Variants in ALPK3 observed in about 807,000 individuals in gnomAD.
ALPK3 encodes alpha kinase 3.
ALPK3 carries 102 observed loss-of-function variants against 140.0 expected under a neutral mutation model. That is an observed-to-expected ratio of 0.73 (90% CI 0.62 to 0.86). The LOEUF (loss-of-function observed/expected upper bound fraction) is 0.86, where lower values mean the gene tolerates loss of function less well. ALPK3 is among the 40% of genes least tolerant of loss of function. The probability of loss-of-function intolerance (pLI) is 0.00; values close to 1 mark genes in which losing one functional copy is unlikely to be tolerated. For missense variants in ALPK3, 2,254 were observed against 2,208.2 expected (o/e 1.02, Z -0.42); for synonymous variants, 938 against 898.5 (o/e 1.04, Z -0.79).
chr15:84,852,958 G>A (rs1196662829), intron 5 of ALPK3, among the ~76,000 whole-genome samples: 2 of 152,202 alleles, frequency 1.3e-5, no homozygotes, highest in Admixed American at 6.5e-5. Flanking sequence ...AGAATTGTTG[G>A]CAGATCCGAT....
intron 5 of ALPK3, among the ~76,000 whole-genome samples, chr15:84,845,825 G>A (rs1244211113): frequency 9.8e-5 from 15 of 152,322 alleles, no homozygotes; most frequent in African/African-American, 2.9e-4. Context: ...TTGGGAAGCC[G>A]AAGCAGGCAG....
At chr15:84,863,143 ACT>A (rs928304986) in intron 10 of ALPK3, among the ~76,000 whole-genome samples, 10 of 151,612 alleles carry the variant, frequency 6.6e-5, no homozygotes, top group African/African-American at 2.4e-4. Flanking sequence ...TAGTTTTCAA[ACT>A]CTATGTTTGC....
At chr15:84,850,877 T>TAC (rs1190685778) in intron 5 of ALPK3, among the ~76,000 whole-genome samples, 158 of 90,416 alleles carry the variant, frequency 1.7e-3, no homozygotes, top group African/African-American at 3.9e-3. Context: ...CAGTTCCAGA[T>TAC]ATACACACAC....
chr15:84,842,544 C>T (rs1963679065), intron 5 of ALPK3, among the ~76,000 whole-genome samples: 1 of 151,992 alleles, frequency 6.6e-6, no homozygotes, highest in Admixed American at 6.6e-5. Flanking sequence ...ACATGAGGGA[C>T]AAGCTGATAC....
At chr15:84,822,659 C>T (rs924581646) in intron 1 of ALPK3, among the ~76,000 whole-genome samples, 1 of 152,148 alleles carries the variant, frequency 6.6e-6, no homozygotes, top group Non-Finnish European at 1.5e-5. Flanking sequence ...TGTGGGTCCT[C>T]ATCCTAGTGC....
rs377340628 is a variant in ALPK3, at chr15:84,859,871, C to T, written c.4061C>T (p.Ser1354Leu). ...TGCACCATCCACAATGAGCACGGCT[C>T]GGCCTCCACCGACTTCTGCCTCAGC... ...YRCTIHNEHG[S>L]ASTDFCLSPE... The change falls in exon 8 of 14, where the codon TCG becomes TTG. Residue 1354 changes from serine to leucine, a missense_variant. Physicochemically the swap from Ser to Leu is moderately radical, Grantham distance 145. This residue lies in a region of ALPK3 where 2,088 missense variants were observed against 2,022.9 expected (regional missense o/e 1.03). Transcript: ENST00000258888. The T allele has an allele frequency of 2.5e-5, 40 of 1,614,088 alleles. No individual in the cohort carries two copies. The highest frequency in any genetic ancestry group is 4.4e-5 in the South Asian group (4 of 91,082).
At chr15:84,824,599 T>C (rs1263493301) in intron 2 of ALPK3, among the ~76,000 whole-genome samples, 2 of 152,210 alleles carry the variant, frequency 1.3e-5, no homozygotes, top group African/African-American at 4.8e-5. Flanking sequence ...GTGTGGCTCA[T>C]GGGTGGAACT....
rs1261920818 is a variant in ALPK3 at position 84,856,597 on chromosome 15, G to T, written c.1859G>T (p.Gly620Val). Residue 620 changes from glycine to valine, a missense_variant, in exon 6 of 14, where the codon GGA becomes GTA. By Grantham distance (109) the Gly-to-Val change is moderately radical (BLOSUM62 -3). This residue lies in a region of ALPK3 where 2,088 missense variants were observed against 2,022.9 expected (regional missense o/e 1.03). Coordinates refer to ENST00000258888, the MANE Select transcript of ALPK3 (RefSeq NM_020778.5). ...GCAGATGGGAAGATACAAGTGGATG[G>T]AAGGACCAGGGGAGATGGAACACAG... ...VQADGKIQVD[G>V]RTRGDGTQTA... is the part of the protein sequence containing the mutation. The T allele has an allele frequency of 6.2e-7, 1 of 1,614,194 alleles. No homozygotes were observed. Among genetic ancestry groups the T allele is most frequent in the Non-Finnish European group, 8.5e-7 (1 of 1,180,044 alleles).
chr15:84,863,036 A>C, intron 10 of ALPK3, 121 bp downstream of exon 10: 1 of 1,346,950 alleles, frequency 7.4e-7, no homozygotes, highest in Admixed American at 2.3e-5. Flanking sequence ...CAACCTTATG[A>C]GGCTCCTAGG....
chr15:84,835,978 G>T (rs977332846), intron 3 of ALPK3, among the ~76,000 whole-genome samples: 3 of 152,240 alleles, frequency 2.0e-5, no homozygotes, highest in African/African-American at 4.8e-5. Flanking sequence ...GGAAAGGATG[G>T]ACGTAAACCA....
At chr15:84,867,171 A>T in intron 12 of ALPK3, 146 bp from the exon 13 acceptor site, 22 of 478,576 alleles carry the variant, frequency 4.6e-5, no homozygotes, top group Non-Finnish European at 5.9e-5. Flanking sequence ...CAGGAAGTTG[A>T]TGCCAGCCTG....
rs1963636476 is a variant in ALPK3, at chr15:84,839,833, T to C, written c.554T>C (p.Leu185Ser). The C allele has an allele frequency of 6.2e-7, 1 of 1,614,006 alleles. No homozygotes were observed. The highest frequency in any genetic ancestry group is 8.5e-7 in the Non-Finnish European group (1 of 1,179,984). Residue 185 changes from leucine (L) to serine (S), a missense_variant, in exon 5 of 14, where the codon TTG becomes TCG. Transcript: ENST00000258888. ...ATCCACCAGCGCTGGTTCGCCAAGT[T>C]GAAGCGCAAGGCTGCGGCAAAGCTG... ...YKIHQRWFAK[L>S]KRKAAAKLRE... is the part of the protein sequence containing the mutation.
chr15:84,838,708 C>T (rs1022004353), intron 3 of ALPK3, among the ~76,000 whole-genome samples: 1 of 151,690 alleles, frequency 6.6e-6, no homozygotes, highest in African/African-American at 2.4e-5. Context: ...CAACCTCGGA[C>T]TCCTGGGTTC....
At position 84,856,832 on chromosome 15, in the gene ALPK3, G is replaced by T. The variant is rs1330180462; in HGVS notation, c.2094G>T (p.Met698Ile). The T allele has an allele frequency of 1.2e-6, 2 of 1,613,608 alleles. No individual in the cohort carries two copies. The highest frequency in any genetic ancestry group is 1.7e-6 in the Non-Finnish European group (2 of 1,179,734). ...AGGGCACACAGGAAGACAGAAGGAT[G>T]CAGGGAGAGAAGGGGATGCAGGGAG... The part of the protein sequence containing the change: ...ADKGTQEDRR[M>I]QGEKGMQGEK... Residue 698 changes from methionine to isoleucine, a missense_variant, in exon 6 of 14, where the codon ATG becomes ATT. Met to Ile is a conservative substitution (Grantham distance 10). Around this residue, in one of 3 missense-constraint regions of ALPK3, gnomAD observed 2,088 missense variants for 2,022.9 expected, o/e 1.03. Transcript: ENST00000258888.
chr15:84,843,665 C>T (rs1312312060), intron 5 of ALPK3, among the ~76,000 whole-genome samples: 1 of 152,240 alleles, frequency 6.6e-6, no homozygotes, highest in Non-Finnish European at 1.5e-5. Flanking sequence ...CTAGTGCCCT[C>T]AGGCACCTGG....
At chr15:84,855,747 A>G (rs528956656) in intron 5 of ALPK3, among the ~76,000 whole-genome samples, 17 of 152,338 alleles carry the variant, frequency 1.1e-4, no homozygotes, top group Admixed American at 3.3e-4. Context: ...ATGAGGAGTA[A>G]GTGGGGTAAT....
chr15:84,851,803 A>G (rs1229782965), intron 5 of ALPK3, among the ~76,000 whole-genome samples: 1 of 152,230 alleles, frequency 6.6e-6, no homozygotes, highest in African/African-American at 2.4e-5. Context: ...TGCAATTTAA[A>G]CAGTGCTGCA....
chr15:84,856,790 G>A lies in ALPK3; in HGVS notation c.2052G>A (p.Arg684=). 1.2e-6 allele frequency: 2 copies of A among 1,614,070 alleles called. No homozygotes were observed. The highest frequency in any genetic ancestry group is 1.7e-6 in the Non-Finnish European group (2 of 1,180,026). Residue 684 remains arginine (R), a synonymous_variant, in exon 6 of 14, where the codon AGG becomes AGA. Transcript: ENST00000258888. ...TQAGEKIQED[R]KAQADKGTQE... is the part of the protein sequence containing the mutation. The stretch of plus-strand genomic sequence containing the variant: ...CAGGTGAGAAGATACAGGAAGACAG[G>A]AAGGCCCAGGCAGATAAGGGCACAC...
chr15:84,840,298 G>A lies in ALPK3; in HGVS notation c.1019G>A (p.Arg340His), dbSNP rs1220334677. 6.2e-7 allele frequency: 1 copy of A among 1,613,864 alleles called. No homozygotes were observed. Among genetic ancestry groups the A allele is most frequent in the African/African-American group, 1.3e-5 (1 of 74,934 alleles). The stretch of plus-strand genomic sequence containing the variant: ...TTAGAGAAGGCAGCCCAAAGCCGCC[G>A]TTCTTCAGAAAACTGCATCCCCAGC... ...PELEKAAQSR[R>H]SSENCIPSSD... The change falls in exon 5 of 14, where the codon CGT (arginine) becomes CAT (histidine). Residue 340 changes from arginine to histidine, a missense_variant. Physicochemically the swap from Arg to His is conservative, Grantham distance 29. This residue lies in a region of ALPK3 where 2,088 missense variants were observed against 2,022.9 expected (regional missense o/e 1.03). Coordinates refer to ENST00000258888, the MANE Select transcript of ALPK3 (RefSeq NM_020778.5).
Sources: allele counts gnomAD v4.1 joint callset (sites outside exome capture counted in the v4.1 genomes callset), GRCh38; gene constraint gnomAD v4.1.1; regional missense constraint gnomAD v4.1.1; transcripts MANE v1.5; gene names NCBI Gene and HGNC (gene_info 2026-07-23, HGNC 2026-07-21).